Variants in HSD17B12 observed in about 807,000 individuals in gnomAD.
HSD17B12 encodes the protein very-long-chain 3-oxoacyl-CoA reductase.
A neutral mutation model predicts 39.3 loss-of-function variants in HSD17B12; 32 were observed. The observed-to-expected ratio is 0.81, with a 90% CI of 0.61 to 1.09. The LOEUF (loss-of-function observed/expected upper bound fraction) is 1.09. Among genes scored for constraint, HSD17B12 ranks in the 50% least tolerant of loss-of-function variants. HSD17B12 has a pLI of 0.00. For synonymous variants in HSD17B12, 150 were observed against 146.7 expected, an observed-to-expected ratio of 1.02 and a Z score of -0.16; for missense variants, 342 against 382.9, an observed-to-expected ratio of 0.89 and a Z score of 0.89.
intron 1 of HSD17B12, among the ~76,000 whole-genome samples, chr11:43,738,906 G>GA (rs1402931965): frequency 6.6e-6 from 1 of 152,008 alleles, no homozygotes; most frequent in African/African-American, 2.4e-5. Flanking sequence ...AAAACAAAAA[G>GA]AAAAAAACTA....
chr11:43,714,032 C>A (rs1950096561), intron 1 of HSD17B12, among the ~76,000 whole-genome samples: 1 of 152,140 alleles, frequency 6.6e-6, no homozygotes, highest in Admixed American at 6.5e-5. Flanking sequence ...AGCCCTTTGT[C>A]AGATGAGCAG....
At chr11:43,673,658 G>GTTTT in the HSD17B12 span, among the ~76,000 whole-genome samples, 3 of 41,032 alleles carry the variant, frequency 7.3e-5, no homozygotes, top group African/African-American at 1.9e-4. Context: ...AGCCCAGCTA[G>GTTTT]TTTTGTTTGT....
intron 9 of HSD17B12, chr11:43,848,399 G>A (rs1406384178): frequency 2.0e-5 from 3 of 152,078 alleles, no homozygotes; most frequent in African/African-American, 7.2e-5. Flanking sequence ...GTGTGTCCAG[G>A]AGAACTAAGA....
chr11:43,707,397 GT>G (rs1207250663), intron 1 of HSD17B12, among the ~76,000 whole-genome samples: 1 of 152,214 alleles, frequency 6.6e-6, no homozygotes, highest in African/African-American at 2.4e-5. Context: ...TTCTCGATAC[GT>G]TGACATTTAG....
the HSD17B12 span, among the ~76,000 whole-genome samples, chr11:43,563,997 C>T: frequency 1.1e-4 from 17 of 152,020 alleles, no homozygotes; most frequent in African/African-American, 3.4e-4. Flanking sequence ...TCACTACAGC[C>T]TCGAAAGATA....
the HSD17B12 span, among the ~76,000 whole-genome samples, chr11:43,598,373 TTTA>T: frequency 6.6e-6 from 1 of 152,084 alleles, no homozygotes; most frequent in Non-Finnish European, 1.5e-5. Context: ...TTGACCCACT[TTTA>T]TTAGTGAATC....
chr11:43,728,626 G>A (rs939174180), intron 1 of HSD17B12, among the ~76,000 whole-genome samples: 1 of 151,998 alleles, frequency 6.6e-6, no homozygotes, highest in Non-Finnish European at 1.5e-5. Flanking sequence ...CACTGTATCT[G>A]GGAATCGGAT....
At chr11:43,814,523 G>A (rs1277238115) in intron 4 of HSD17B12, among the ~76,000 whole-genome samples, 1 of 151,896 alleles carries the variant, frequency 6.6e-6, no homozygotes, top group Non-Finnish European at 1.5e-5. Context: ...CCAGGGCTGG[G>A]GAAAACCATA....
At chr11:43,753,994 TG>T in intron 2 of HSD17B12, 51 bp from the exon 3 acceptor site, 12 of 1,200,636 alleles carry the variant, frequency 1.0e-5, no homozygotes, top group Non-Finnish European at 1.5e-5. Flanking sequence ...AGCTCATTAA[TG>T]TTTTTCAGTG....
chr11:43,596,381 G>C, the HSD17B12 span, among the ~76,000 whole-genome samples: 1 of 151,998 alleles, frequency 6.6e-6, no homozygotes, highest in African/African-American at 2.4e-5. Context: ...AAAAAAAGAT[G>C]GTGTGCTTTT....
At chr11:43,778,017 A>T (rs1413061990) in intron 3 of HSD17B12, among the ~76,000 whole-genome samples, 1 of 152,198 alleles carries the variant, frequency 6.6e-6, no homozygotes, top group Non-Finnish European at 1.5e-5. Flanking sequence ...GACACAAAAA[A>T]ACCCTTCAAA....
chr11:43,782,742 A>AT (rs1950778453), intron 3 of HSD17B12, among the ~76,000 whole-genome samples: 1 of 152,164 alleles, frequency 6.6e-6, no homozygotes, highest in Admixed American at 6.5e-5. Context: ...ATGAAATGAA[A>AT]TTTTTACAAG....
the HSD17B12 span, among the ~76,000 whole-genome samples, chr11:43,656,324 A>G: frequency 6.6e-6 from 1 of 151,608 alleles, no homozygotes; most frequent in Admixed American, 6.6e-5. Context: ...GCGGTCTATC[A>G]ATTTTGTTGA....
At chr11:43,821,395 A>G (rs980443318) in intron 6 of HSD17B12, among the ~76,000 whole-genome samples, 4 of 152,206 alleles carry the variant, frequency 2.6e-5, no homozygotes, top group African/African-American at 9.6e-5. Context: ...CAGGTAGATC[A>G]GTCTCAAACT....
At chr11:43,677,459 T>C (rs1178952846), upstream of HSD17B12, among the ~76,000 whole-genome samples, 1 of 152,214 alleles carries the variant, frequency 6.6e-6, no homozygotes, top group Non-Finnish European at 1.5e-5. Context: ...TTTTAAATTA[T>C]ACTTTAAGTT....
At chr11:43,768,433 C>T (rs577933778) in intron 3 of HSD17B12, among the ~76,000 whole-genome samples, 1 of 152,206 alleles carries the variant, frequency 6.6e-6, no homozygotes, top group Admixed American at 6.5e-5. Flanking sequence ...TGGTTCACTG[C>T]AGCCTCTGCC....
At chr11:43,790,649 G>A (rs1950859041) in intron 3 of HSD17B12, among the ~76,000 whole-genome samples, 1 of 152,196 alleles carries the variant, frequency 6.6e-6, no homozygotes, top group Admixed American at 6.5e-5. Flanking sequence ...GAGCAGGACA[G>A]TGCAAGATTT....
the HSD17B12 span, among the ~76,000 whole-genome samples, chr11:43,578,719 G>C: frequency 3.3e-5 from 5 of 150,290 alleles, no homozygotes; most frequent in Non-Finnish European, 5.9e-5. Context: ...GTCGGGGCGG[G>C]AGTGGTGGTA....
chr11:43,716,055 G>T (rs1448203976), intron 1 of HSD17B12, among the ~76,000 whole-genome samples: 1 of 152,184 alleles, frequency 6.6e-6, no homozygotes, highest in Non-Finnish European at 1.5e-5. Context: ...AAGAGGAATT[G>T]TGTTCTGAAA....
Sources: allele counts gnomAD v4.1 joint callset (sites outside exome capture counted in the v4.1 genomes callset), GRCh38; gene constraint gnomAD v4.1.1; transcripts MANE v1.5; gene names NCBI Gene and HGNC (gene_info 2026-07-23, HGNC 2026-07-21).